Variants in ELOVL6 observed in about 807,000 individuals in gnomAD.
ELOVL6 encodes the protein ELOVL fatty acid elongase 6, also known as very long chain fatty acid elongase 6.
ELOVL6 carries 8 observed loss-of-function variants against 31.7 expected under a neutral mutation model. The ratio of observed to expected loss-of-function variants is 0.25; its 90% CI spans 0.15 to 0.45. The LOEUF (loss-of-function observed/expected upper bound fraction) is 0.45, where lower values mean the gene tolerates loss of function less well. Among genes scored for constraint, ELOVL6 ranks in the 20% least tolerant of loss-of-function variants. The pLI, the probability that ELOVL6 is intolerant of heterozygous loss-of-function variation, is 1.00. For synonymous variants in ELOVL6, 101 were observed against 117.7 expected, an observed-to-expected ratio of 0.86 and a Z score of 0.92; for missense variants, 126 against 326.4, an observed-to-expected ratio of 0.39 and a Z score of 4.73.
At chr4:110,073,230 C>T (rs1238521318) in intron 2 of ELOVL6, among the ~76,000 whole-genome samples, 3 of 152,144 alleles carry the variant, frequency 2.0e-5, no homozygotes, top group East Asian at 1.9e-4. Context: ...GGGCTGATAG[C>T]GGGCACACAC....
At chr4:110,063,204 A>G (rs1163967211) in intron 2 of ELOVL6, among the ~76,000 whole-genome samples, 1 of 152,222 alleles carries the variant, frequency 6.6e-6, no homozygotes, top group African/African-American at 2.4e-5. Flanking sequence ...TGTTCACATT[A>G]TTCCTATTGC....
intron 2 of ELOVL6, among the ~76,000 whole-genome samples, chr4:110,084,440 G>GATATATCACATATATCATATATGAT (rs1203410388): frequency 1.2e-5 from 1 of 80,490 alleles, no homozygotes; most frequent in African/African-American, 5.8e-5. Flanking sequence ...TATCATATAT[G>GATATATCACATATATCATATATGAT]ATATATCGCA....
intron 1 of ELOVL6, among the ~76,000 whole-genome samples, chr4:110,115,130 T>C (rs1757137445): frequency 6.6e-6 from 1 of 152,074 alleles, no homozygotes; most frequent in Non-Finnish European, 1.5e-5. Flanking sequence ...GATAAATAAA[T>C]ATACTCCTGT....
chr4:110,051,828 T>C lies in ELOVL6; in HGVS notation c.374-66A>G. 7.3e-7 allele frequency: 1 copy of C among 1,374,824 alleles called. No homozygotes were observed. Among genetic ancestry groups the C allele is most frequent in the Non-Finnish European group, 1.0e-6 (1 of 993,854 alleles). The allele number at this position is 1,374,824 out of a possible 1,614,324, so 85.2% of individuals were successfully genotyped here. A position where few individuals can be genotyped will look rare whatever the true frequency, so the allele number is the denominator to read the frequency against. On this transcript the variant is annotated intron_variant, in intron 3 of 3. Coordinates refer to ENST00000302274, the MANE Select transcript of ELOVL6 (RefSeq NM_024090.3). This position sits in a 1 kb window ranked among gnomAD's most constrained non-coding sequence, Gnocchi z 4.8. ...CACCAGTAACGATGACTTACAGTTTTGTAAGAGGGTAGACATCCTGAGCTA... is the reference window on the plus strand; with the variant it reads ...CACCAGTAACGATGACTTACAGTTTCGTAAGAGGGTAGACATCCTGAGCTA...
intron 1 of ELOVL6, among the ~76,000 whole-genome samples, chr4:110,155,169 T>G (rs1480525804): frequency 6.6e-6 from 1 of 152,164 alleles, no homozygotes; most frequent in African/African-American, 2.4e-5. Flanking sequence ...GAACATTTAA[T>G]TTTGAAGTAC....
intron 1 of ELOVL6, among the ~76,000 whole-genome samples, chr4:110,138,711 C>A (rs1180083025): frequency 8.0e-6 from 1 of 124,320 alleles, no homozygotes; most frequent in African/African-American, 3.1e-5. Context: ...GCAATGGTCA[C>A]TTGTGTGATA....
intron 3 of ELOVL6, among the ~76,000 whole-genome samples, chr4:110,056,129 G>GGC (rs1553953534): frequency 2.1e-5 from 3 of 143,138 alleles, no homozygotes; most frequent in African/African-American, 5.3e-5. Flanking sequence ...AGCTGGGGGG[G>GGC]GGGATACAGT....
chr4:110,186,516 T>C (rs1759444268), intron 1 of ELOVL6, among the ~76,000 whole-genome samples: 1 of 151,946 alleles, frequency 6.6e-6, no homozygotes, highest in Non-Finnish European at 1.5e-5. Flanking sequence ...CCAGTGATTA[T>C]TTTAAATATA....
At chr4:110,097,347 A>G (rs550901311) in intron 2 of ELOVL6, among the ~76,000 whole-genome samples, 2 of 149,816 alleles carry the variant, frequency 1.3e-5, no homozygotes, top group East Asian at 4.0e-4. Context: ...CTACCCCACT[A>G]CCTTTCAGAC....
intron 2 of ELOVL6, among the ~76,000 whole-genome samples, chr4:110,081,903 A>G (rs1463774267): frequency 6.6e-6 from 1 of 151,092 alleles, no homozygotes; most frequent in African/African-American, 2.4e-5. Flanking sequence ...ACAAGAAAAA[A>G]ACAAACAGCC....
At chr4:110,166,056 C>T (rs899051901) in intron 1 of ELOVL6, among the ~76,000 whole-genome samples, 1 of 152,118 alleles carries the variant, frequency 6.6e-6, no homozygotes, top group Admixed American at 6.5e-5. Flanking sequence ...CAACAAAAGC[C>T]CAGCTCAGAG....
intron 1 of ELOVL6, among the ~76,000 whole-genome samples, chr4:110,147,949 T>C (rs1276361742): frequency 6.6e-6 from 1 of 152,020 alleles, no homozygotes; most frequent in Non-Finnish European, 1.5e-5. Flanking sequence ...ACCCCATCTC[T>C]ACTAAATACA....
At chr4:110,198,222 A>G (rs376198179) in intron 1 of ELOVL6, 25 bp downstream of exon 1, 59 of 1,404,276 alleles carry the variant, frequency 4.2e-5, no homozygotes, top group Non-Finnish European at 1.9e-5. Context: ...TCCCGGGAAC[A>G]GTATCAGGCG....
At chr4:110,106,787 TA>T (rs33963918) in intron 1 of ELOVL6, among the ~76,000 whole-genome samples, 46,999 of 151,870 alleles carry the variant, frequency 0.31, 8,362 homozygotes, top group East Asian at 0.71. Flanking sequence ...AGCCTCATTT[TA>T]CTTAGCCCCT....
rs910357202 is a variant in ELOVL6 at position 110,048,528 on chromosome 4, T to A, written c.*2810A>T. On this transcript the variant is annotated 3_prime_UTR_variant, in exon 4 of 4. Transcript: ENST00000302274. The stretch of plus-strand genomic sequence containing the variant: ...AGCTATAAAAACTTGCCTGCCCAAG[T>A]TTTTCTGGAATGTTAACTGGCAGCA... 1.4e-4 allele frequency: 21 copies of A among 152,214 alleles called. No homozygotes were observed. Among genetic ancestry groups the A allele is most frequent in the African/African-American group, 5.1e-4 (21 of 41,512 alleles). 9.4% of individuals were successfully genotyped at this position (152,214 alleles called of 1,614,324 possible). A position where few individuals can be genotyped will look rare whatever the true frequency, so the allele number is the denominator to read the frequency against.
At chr4:110,082,157 T>C (rs1216286880) in intron 2 of ELOVL6, among the ~76,000 whole-genome samples, 2 of 150,402 alleles carry the variant, frequency 1.3e-5, no homozygotes, top group African/African-American at 4.9e-5. Flanking sequence ...GACTGTAAAC[T>C]AGTTCAACCA....
chr4:110,052,216 A>T (rs1754854237), intron 3 of ELOVL6, among the ~76,000 whole-genome samples: 1 of 152,234 alleles, frequency 6.6e-6, no homozygotes, highest in Admixed American at 6.5e-5. Flanking sequence ...CAATCAAAGG[A>T]AACAGACTGG....
At chr4:110,082,492 G>A (rs959684476) in intron 2 of ELOVL6, among the ~76,000 whole-genome samples, 9 of 151,804 alleles carry the variant, frequency 5.9e-5, no homozygotes, top group Non-Finnish European at 1.3e-4. Context: ...ACTATCGCAA[G>A]GACAAAAAAC....
intron 1 of ELOVL6, among the ~76,000 whole-genome samples, chr4:110,115,109 G>A (rs919011291): frequency 4.0e-4 from 61 of 151,946 alleles, no homozygotes; most frequent in African/African-American, 1.2e-3. Flanking sequence ...ATGTTTTCAC[G>A]TTAACTATTG....
Sources: allele counts gnomAD v4.1 joint callset (sites outside exome capture counted in the v4.1 genomes callset), GRCh38; gene constraint gnomAD v4.1.1; non-coding constraint Gnocchi (gnomAD v3.1); transcripts MANE v1.5; gene names NCBI Gene and HGNC (gene_info 2026-07-23, HGNC 2026-07-21).